PDGFRA: variants seen among roughly 807,000 people sequenced by gnomAD.
PDGFRA encodes the protein platelet derived growth factor receptor alpha, also known as platelet-derived growth factor receptor alpha.
PDGFRA carries 25 observed loss-of-function variants against 121.5 expected under a neutral mutation model. That is an observed-to-expected ratio of 0.21 (90% CI 0.15 to 0.29). The LOEUF is 0.29. Among genes scored for constraint, PDGFRA ranks in the 10% least tolerant of loss-of-function variants. The probability of loss-of-function intolerance (pLI) is 1.00; values close to 1 mark genes in which losing one functional copy is unlikely to be tolerated. For synonymous variants in PDGFRA, 463 were observed against 494.8 expected, an observed-to-expected ratio of 0.94 and a Z score of 0.85; for missense variants, 1,008 against 1,345.1, an observed-to-expected ratio of 0.75 and a Z score of 3.92.
At chr4:54,285,700 G>A (rs1016898453) in intron 17 of PDGFRA, 141 bp from the exon 18 acceptor site, 8 of 919,596 alleles carry the variant, frequency 8.7e-6, no homozygotes, top group Admixed American at 1.8e-5. Context: ...AGTGGGTGGA[G>A]TGAGAACCTG....
At chr4:54,273,486 TGCCATGACTCTCAGGAATTG>T in intron 9 of PDGFRA, 31 bp from the exon 10 acceptor site, 2 of 1,473,190 alleles carry the variant, frequency 1.4e-6, no homozygotes, top group Non-Finnish European at 1.9e-6. Context: ...CTCCACTCAT[TGCCATGACTCTCAGGAATTG>T]GCCCTATACT....
intron 21 of PDGFRA, among the ~76,000 whole-genome samples, chr4:54,289,809 G>A (rs1724535721): frequency 1.3e-5 from 2 of 152,226 alleles, no homozygotes; most frequent in South Asian, 4.1e-4. Context: ...GAGGCAGTGA[G>A]GAGGCAGAAG....
chr4:54,257,918 G>A (rs76357374), intron 1 of PDGFRA, among the ~76,000 whole-genome samples: 5,082 of 151,938 alleles, frequency 0.033, 267 homozygotes, highest in African/African-American at 0.11. Context: ...CTCAATTTCC[G>A]TCTCTTTCTC....
At chr4:54,291,765 A>G (rs754099768) in intron 22 of PDGFRA, among the ~76,000 whole-genome samples, 2 of 152,232 alleles carry the variant, frequency 1.3e-5, no homozygotes, top group Non-Finnish European at 2.9e-5. Context: ...GGATCCAGCA[A>G]TCCCATTACT....
intron 1 of PDGFRA, among the ~76,000 whole-genome samples, chr4:54,247,593 T>G (rs1721765085): frequency 1.3e-5 from 2 of 152,002 alleles, no homozygotes; most frequent in Admixed American, 1.3e-4. Flanking sequence ...GAGCTATCTA[T>G]GACAAACCCA....
chr4:54,231,775 C>T (rs1026662271), intron 1 of PDGFRA, among the ~76,000 whole-genome samples: 1 of 152,246 alleles, frequency 6.6e-6, no homozygotes, highest in Admixed American at 6.5e-5. Context: ...CAAGAATGAA[C>T]CCGTCGTTAG....
intron 10 of PDGFRA, 27 bp downstream of exon 10, chr4:54,273,757 T>C (rs1244616824): frequency 6.3e-7 from 1 of 1,593,334 alleles, no homozygotes; most frequent in Admixed American, 1.7e-5. Context: ...TCAGGACAAC[T>C]CATCAGCTGA....
chr4:54,255,175 T>C (rs1219164793), intron 1 of PDGFRA, among the ~76,000 whole-genome samples: 1 of 152,192 alleles, frequency 6.6e-6, no homozygotes, highest in Admixed American at 6.5e-5. Context: ...AAATCAGCTC[T>C]AAGTAACCAC....
intron 22 of PDGFRA, among the ~76,000 whole-genome samples, chr4:54,291,894 A>T (rs571103565): frequency 6.6e-6 from 1 of 152,342 alleles, no homozygotes; most frequent in South Asian, 2.1e-4. Context: ...CATTGACAGT[A>T]GACTGGATAA....
chr4:54,288,737 C>T, intron 19 of PDGFRA, 62 bp from the exon 20 acceptor site: 1 of 917,570 alleles, frequency 1.1e-6, no homozygotes, highest in Non-Finnish European at 1.8e-6. Flanking sequence ...TCTATCATGC[C>T]AAGTGTTTCA....
intron 12 of PDGFRA, chr4:54,277,181 G>A: frequency 4.9e-6 from 3 of 614,434 alleles, no homozygotes; most frequent in Non-Finnish European, 8.9e-6. Context: ...TCCCTTGCAA[G>A]TGTTATTCGA....
intron 1 of PDGFRA, among the ~76,000 whole-genome samples, chr4:54,246,481 G>A (rs1311592039): frequency 1.3e-4 from 20 of 152,250 alleles, no homozygotes; most frequent in South Asian, 4.1e-4. Flanking sequence ...GGTACATAAC[G>A]AAATGAAGGC....
At chr4:54,275,216 T>C (rs1723654390) in intron 12 of PDGFRA, among the ~76,000 whole-genome samples, 1 of 152,162 alleles carries the variant, frequency 6.6e-6, no homozygotes, top group Non-Finnish European at 1.5e-5. Context: ...GAGAAGAGAA[T>C]ATGAAGAGGG....
chr4:54,256,712 A>T (rs1024904472), intron 1 of PDGFRA, among the ~76,000 whole-genome samples: 7 of 151,810 alleles, frequency 4.6e-5, no homozygotes. Context: ...GATACGGGTG[A>T]TAAAGACCCC....
intron 3 of PDGFRA, 45 bp from the exon 4 acceptor site, chr4:54,263,622 T>A: frequency 1.3e-6 from 2 of 1,591,498 alleles, no homozygotes; most frequent in South Asian, 2.2e-5. Flanking sequence ...TGTGTAAAGG[T>A]GAAATTAATG....
chr4:54,241,925 G>T (rs546112031), intron 1 of PDGFRA, among the ~76,000 whole-genome samples: 2 of 152,258 alleles, frequency 1.3e-5, no homozygotes, highest in South Asian at 4.1e-4. Flanking sequence ...TCAAGTATTG[G>T]TTTGCTTTCA....
At chr4:54,292,611 A>C (rs899746881) in intron 22 of PDGFRA, among the ~76,000 whole-genome samples, 2 of 152,148 alleles carry the variant, frequency 1.3e-5, no homozygotes, top group Non-Finnish European at 2.9e-5. Flanking sequence ...GCAAACCACC[A>C]TGACGCATGT....
chr4:54,254,833 G>A (rs900054490), intron 1 of PDGFRA, among the ~76,000 whole-genome samples: 13 of 152,148 alleles, frequency 8.5e-5, no homozygotes, highest in Non-Finnish European at 1.9e-4. Context: ...CCTCAGAAGC[G>A]ATCAGCCAGC....
intron 11 of PDGFRA, 64 bp from the exon 12 acceptor site, chr4:54,274,777 C>T (rs2110298561): frequency 1.3e-6 from 2 of 1,582,058 alleles, no homozygotes; most frequent in Non-Finnish European, 1.7e-6. Flanking sequence ...TGTGCTGCTT[C>T]AGTGAAGCTC....
Sources: allele counts gnomAD v4.1 joint callset (sites outside exome capture counted in the v4.1 genomes callset), GRCh38; gene constraint gnomAD v4.1.1; transcripts MANE v1.5; gene names NCBI Gene and HGNC (gene_info 2026-07-23, HGNC 2026-07-21).